RGS12: variants seen among roughly 807,000 people sequenced by gnomAD.
RGS12 encodes the protein regulator of G protein signaling 12.
In RGS12, 66 loss-of-function variants were observed where a neutral mutation model predicts 120.1. The observed-to-expected ratio is 0.55, with a 90% CI of 0.45 to 0.67. The LOEUF is 0.67. Among genes scored for constraint, RGS12 ranks in the 30% least tolerant of loss-of-function variants. RGS12 has a pLI of 0.00. For missense variants in RGS12, 1,859 were observed against 1,957.7 expected (o/e 0.95, Z 0.95); for synonymous variants, 827 against 804.7 (o/e 1.03, Z -0.47).
intron 1 of RGS12, among the ~76,000 whole-genome samples, chr4:3,300,766 G>A (rs554972131): frequency 6.6e-6 from 1 of 152,380 alleles, no homozygotes; most frequent in East Asian, 1.9e-4. Context: ...CTGGGTCTGT[G>A]TGTCCCTTTT....
chr4:3,432,113 T>C, intron 17 of RGS12: 1 of 985,514 alleles, frequency 1.0e-6, no homozygotes, highest in South Asian at 4.7e-5. Flanking sequence ...GACACCTGTG[T>C]GGCTCTCACC....
At chr4:3,417,209 T>A (rs898208170) in intron 8 of RGS12, 117 bp downstream of exon 8, 1 of 1,338,440 alleles carries the variant, frequency 7.5e-7, no homozygotes, top group Non-Finnish European at 1.0e-6. Flanking sequence ...TGGGTGACGC[T>A]CCATGCTGGA....
At chr4:3,402,886 A>C (rs1319276970) in intron 4 of RGS12, among the ~76,000 whole-genome samples, 1 of 152,216 alleles carries the variant, frequency 6.6e-6, no homozygotes, top group African/African-American at 2.4e-5. Context: ...GTTAGGGTTG[A>C]TCTTTGAAAA....
In RGS12 at chr4:3,425,520, G is replaced by C. The variant is rs148923822; in HGVS notation, c.3291G>C (p.Gln1097His). Residue 1097 changes from glutamine (Q) to histidine (H), a missense_variant, in exon 14 of 18, where the codon CAG becomes CAC. By Grantham distance (24) the Gln-to-His change is conservative. Around this residue, in one of 3 missense-constraint regions of RGS12, gnomAD observed 517 missense variants for 488.5 expected, o/e 1.06. Transcript: ENST00000336727. ...LGAPISSLDG[Q>H]RVVLEEKDPS... ...CCCCTATATCGAGTCTGGACGGACA[G>C]CGGGTTGTCTTGGAGGAGAAGGATC... 219 of 1,611,986 alleles carry C rather than the reference G, an allele frequency of 1.4e-4. 1 individual carries two copies. The African/African-American group carries it at 2.6e-3, about 19-fold the overall frequency.
In RGS12 at chr4:3,430,548, C is replaced by T; in HGVS notation, c.3707C>T (p.Ala1236Val). ...GAACTCACCCTCCCCACTCCAGCTG[C>T]TGTGGCCAAGGGCTTTAGCAAGAGA... ...STELTLPTPA[A>V]VAKGFSKRSA... Residue 1236 changes from alanine (A) to valine (V), a missense_variant, in exon 17 of 18, where the codon GCT becomes GTT. Around this residue, in one of 3 missense-constraint regions of RGS12, gnomAD observed 517 missense variants for 488.5 expected, o/e 1.06. Coordinates refer to ENST00000336727, the MANE Select transcript of RGS12 (RefSeq NM_001394154.1). 5.0e-6 allele frequency: 8 copies of T among 1,613,332 alleles called. No individual in the cohort carries two copies. Among genetic ancestry groups the T allele is most frequent in the Non-Finnish European group, 6.8e-6 (8 of 1,180,028 alleles).
At chr4:3,373,280 A>G (rs994684891) in intron 3 of RGS12, among the ~76,000 whole-genome samples, 1 of 152,218 alleles carries the variant, frequency 6.6e-6, no homozygotes, top group Non-Finnish European at 1.5e-5. Context: ...CGGCTGGGCC[A>G]GGCTCCAGGG....
rs1422284428 is a variant in RGS12, at chr4:3,439,450, G to A, written c.4115-5G>A. ...AAGTGACAGCTTCTCTTCTCCTTGT[G>A]ACAGGAAGTGGGACCCATGGCAGCC... On this transcript the variant is annotated splice_region_variant and splice_polypyrimidine_tract_variant and intron_variant, in intron 17 of 17. Coordinates refer to ENST00000336727, the MANE Select transcript of RGS12 (RefSeq NM_001394154.1). The A allele has an allele frequency of 2.5e-6, 4 of 1,612,594 alleles. No homozygotes were observed. Among genetic ancestry groups the A allele is most frequent in the Non-Finnish European group, 2.5e-6 (3 of 1,179,858 alleles).
At chr4:3,431,466 G>GC in intron 17 of RGS12, 1 of 988,714 alleles carries the variant, frequency 1.0e-6, no homozygotes, top group Non-Finnish European at 1.2e-6. Context: ...CCCACCGGCG[G>GC]CCCCCGTAGC....
intron 17 of RGS12, among the ~76,000 whole-genome samples, chr4:3,435,882 G>A (rs932606224): frequency 6.6e-6 from 1 of 152,154 alleles, no homozygotes; most frequent in Non-Finnish European, 1.5e-5. Context: ...ATCTCAGCCC[G>A]CACTGCTGGA....
intron 8 of RGS12, 82 bp from the exon 9 acceptor site, chr4:3,417,306 G>A (rs1577077426): frequency 1.4e-5 from 20 of 1,441,022 alleles, no homozygotes; most frequent in Non-Finnish European, 1.9e-5. Context: ...TGTGTTTACA[G>A]CTCAGTATTG....
At chr4:3,431,066 G>GT in intron 17 of RGS12, 111 bp downstream of exon 17, 1 of 1,480,990 alleles carries the variant, frequency 6.8e-7, no homozygotes, top group South Asian at 1.4e-5. Flanking sequence ...GGTGGTCTCC[G>GT]TGACCCCCTC....
chr4:3,433,518 CCT>C lies in RGS12; in HGVS notation c.4114+2564_4114+2565del, dbSNP rs1469718138. Among the ~76,000 whole-genome samples the C allele has an allele frequency of 6.6e-6, 1 of 151,022 alleles. No individual in the cohort carries two copies. Among genetic ancestry groups the C allele is most frequent in the Non-Finnish European group, 1.5e-5 (1 of 67,738 alleles). On this transcript the variant is annotated intron_variant, in intron 17 of 17. Transcript: ENST00000336727. This position sits in a 1 kb window ranked among gnomAD's most constrained non-coding sequence, Gnocchi z 4.4. The stretch of plus-strand genomic sequence containing the variant: ...GCCCCAGCACCACGTGCCATGCCAC[CCT>C]GTCCTAGCCCCAATGCCACATGCCA...
chr4:3,383,100 G>A (rs1454635900), intron 3 of RGS12, among the ~76,000 whole-genome samples: 1 of 152,094 alleles, frequency 6.6e-6, no homozygotes, highest in Non-Finnish European at 1.5e-5. Context: ...GCTTCCAGGA[G>A]TGTTGCACCT....
rs201575073 is a variant in RGS12, at chr4:3,430,710, C to A, written c.3869C>A (p.Pro1290His). The A allele has an allele frequency of 2.1e-4, 338 of 1,581,570 alleles. No homozygotes were observed. Among genetic ancestry groups the A allele is most frequent in the Admixed American group, 6.5e-4 (37 of 57,172 alleles). The change falls in exon 17 of 18, where the codon CCC becomes CAC. Residue 1290 changes from proline to histidine, a missense_variant. Physicochemically the swap from Pro to His is moderately conservative, Grantham distance 77. Transcript: ENST00000336727. Reference protein sequence around the residue: ...SPPGPPGTTPPGQKSPSGPFC... With the variant: ...SPPGPPGTTPHGQKSPSGPFC... ...CCTGGACCTCCTGGGACGACCCCCC[C>A]CGGGCAGAAGTCTCCCAGCGGGCCC...
intron 1 of RGS12, among the ~76,000 whole-genome samples, chr4:3,303,613 A>C (rs543770224): frequency 5.6e-4 from 86 of 152,312 alleles, no homozygotes; most frequent in Admixed American, 2.4e-3. Context: ...GAACAAGAGG[A>C]AGGAGGAACT....
Position 3,299,885 on chromosome 4 carries a change from C to T in RGS12, c.-102+6786C>T, listed in dbSNP as rs528383543. 1.0e-3 allele frequency among the ~76,000 whole-genome samples: 153 copies of T among 152,320 alleles called. 1 individual carries two copies. Among genetic ancestry groups the T allele is most frequent in the African/African-American group, 3.4e-3 (143 of 41,572 alleles). Reference sequence around the variant, plus strand: ...CCAGAGGCCCATGACCCCTGGACCCCTGGACCCCACGCAGGTGTGCTAGGC... The same window carrying T: ...CCAGAGGCCCATGACCCCTGGACCCTTGGACCCCACGCAGGTGTGCTAGGC... On this transcript the variant is annotated intron_variant, in intron 1 of 17. Coordinates refer to ENST00000336727, the MANE Select transcript of RGS12 (RefSeq NM_001394154.1).
Position 3,316,318 on chromosome 4 carries a change from G to T in RGS12, c.148G>T (p.Gly50Trp), listed in dbSNP as rs746612724. ...CTGTGTGCTCAGCTGCGTCATGAGA[G>T]GGAGCCCTGCGGATTTCGTGGGCCT... ...APCVLSCVMR[G>W]SPADFVGLRA... Residue 50 changes from glycine to tryptophan, a missense_variant, in exon 2 of 18, where the codon GGG becomes TGG. Transcript: ENST00000336727. 1 of 1,614,176 alleles carries T rather than the reference G, an allele frequency of 6.2e-7. No homozygotes were observed. Among genetic ancestry groups the T allele is most frequent in the South Asian group, 1.1e-5 (1 of 91,080 alleles).
In RGS12 at chr4:3,373,178, G is replaced by A. The variant is rs530939234; in HGVS notation, c.1999-13238G>A. 5.9e-5 allele frequency among the ~76,000 whole-genome samples: 9 copies of A among 152,282 alleles called. No homozygotes were observed. In the South Asian group the frequency reaches 1.2e-3, roughly 21 times the overall value. On this transcript the variant is annotated intron_variant, in intron 3 of 17. Coordinates refer to ENST00000336727, the MANE Select transcript of RGS12 (RefSeq NM_001394154.1). Reference sequence around the variant, plus strand: ...TCACGAGGGGGCGGTGGCTGCTGGCGACACGCAGCAGTCACTCTGGCTGCA... The same window carrying A: ...TCACGAGGGGGCGGTGGCTGCTGGCAACACGCAGCAGTCACTCTGGCTGCA...
In RGS12 at chr4:3,430,662, G is replaced by C; in HGVS notation, c.3821G>C (p.Ser1274Thr). The change falls in exon 17 of 18, where the codon AGC becomes ACC. Residue 1274 changes from serine (S) to threonine (T), a missense_variant. Ser to Thr is a moderately conservative substitution (Grantham distance 58). Around this residue, in one of 3 missense-constraint regions of RGS12, gnomAD observed 517 missense variants for 488.5 expected, o/e 1.06. Coordinates refer to ENST00000336727, the MANE Select transcript of RGS12 (RefSeq NM_001394154.1). ...VQESSDSPSTSPGSASSPPGP... is the reference protein window; with the variant it reads ...VQESSDSPSTTPGSASSPPGP... ...GAGAGCAGCGACAGCCCGTCCACCA[G>C]CCCGGGCTCAGCCTCCAGCCCCCCT... 1 of 1,592,030 alleles carries C rather than the reference G, an allele frequency of 6.3e-7. No individual in the cohort carries two copies. The highest frequency in any genetic ancestry group is 8.6e-7 in the Non-Finnish European group (1 of 1,168,646).
Sources: gnomAD v4.1 joint callset for allele counts (sites outside exome capture counted in the v4.1 genomes callset) on GRCh38, gnomAD v4.1.1 for gene constraint, gnomAD v4.1.1 regional missense constraint, Gnocchi (gnomAD v3.1) non-coding constraint, MANE v1.5 for transcripts, NCBI Gene and HGNC (gene_info 2026-07-23, HGNC 2026-07-21) for gene names.